The following TYW1 variants were observed in gnomAD, a reference collection of about 807,000 sequenced individuals.
The protein encoded by TYW1 is tRNA-yW synthesizing protein 1 homolog.
A neutral mutation model predicts 96.2 loss-of-function variants in TYW1; 46 were observed. The observed-to-expected ratio is 0.48, with a 90% confidence interval of 0.38 to 0.61. The LOEUF (loss-of-function observed/expected upper bound fraction) is 0.61, where lower values mean the gene tolerates loss of function less well. Ranked by LOEUF, TYW1 falls within the 20% of genes least tolerant of loss-of-function variation. The probability of loss-of-function intolerance (pLI) is 0.00; values close to 1 mark genes in which losing one functional copy is unlikely to be tolerated. For missense variants in TYW1, 684 were observed against 909.6 expected (o/e 0.75, Z 3.19); for synonymous variants, 274 against 323.0 (o/e 0.85, Z 1.63).
At chr7:67,191,315 A>G (rs1800209369) in intron 14 of TYW1, among the ~76,000 whole-genome samples, 1 of 152,190 alleles carries the variant, frequency 6.6e-6, no homozygotes, top group Non-Finnish European at 1.5e-5. Context: ...GGTGGGTCCA[A>G]AAGCCACAGG....
intron 11 of TYW1, among the ~76,000 whole-genome samples, chr7:67,093,991 C>G (rs1796805361): frequency 6.6e-6 from 1 of 152,192 alleles, no homozygotes; most frequent in Non-Finnish European, 1.5e-5. Flanking sequence ...TTTTTCAACT[C>G]TCACCCCGTC....
intron 9 of TYW1, among the ~76,000 whole-genome samples, chr7:67,064,707 G>C (rs1287536800): frequency 6.6e-6 from 1 of 152,172 alleles, no homozygotes; most frequent in African/African-American, 2.4e-5. Flanking sequence ...TCCTCCCCGG[G>C]TCTCTCCCAC....
chr7:67,217,776 C>CA (rs1396982518), intron 15 of TYW1, among the ~76,000 whole-genome samples: 3 of 130,034 alleles, frequency 2.3e-5, no homozygotes, highest in Non-Finnish European at 3.3e-5. Context: ...TCTATTTCTA[C>CA]AAAAAATGTT....
Position 67,051,836 on chromosome 7 carries a change from C to T in TYW1, c.1102+1770C>T, listed in dbSNP as rs903562748. Among the ~76,000 whole-genome samples, 30 of 149,360 alleles carry T rather than the reference C, an allele frequency of 2.0e-4. 1 individual carries two copies. The highest frequency in any genetic ancestry group is 2.1e-4 in the South Asian group (1 of 4,726). On this transcript the variant is annotated intron_variant, in intron 8 of 15. Coordinates refer to ENST00000359626, the MANE Select transcript of TYW1 (RefSeq NM_018264.4). ...GTTGGTGGTGAATTCTTTCAGCTTT[C>T]GTATATCTGAAAATGGCTTTACTTT...
At chr7:67,090,606 A>G (rs144842329) in intron 11 of TYW1, among the ~76,000 whole-genome samples, 42 of 152,348 alleles carry the variant, frequency 2.8e-4, no homozygotes, top group African/African-American at 9.6e-4. Context: ...AACCCAAAGA[A>G]TTAGAATAAC....
chr7:67,191,742 G>A (rs1378618971), intron 14 of TYW1, among the ~76,000 whole-genome samples: 5 of 151,046 alleles, frequency 3.3e-5, no homozygotes, highest in Non-Finnish European at 5.9e-5. Context: ...GTGAGAGCTC[G>A]GGGTCCCTGA....
chr7:67,101,853 C>G (rs1030103085), intron 12 of TYW1, among the ~76,000 whole-genome samples: 3 of 151,820 alleles, frequency 2.0e-5, no homozygotes, highest in African/African-American at 7.3e-5. Flanking sequence ...AGCTACCAGG[C>G]AATAATATGA....
intron 7 of TYW1, among the ~76,000 whole-genome samples, chr7:67,048,848 G>A (rs1439860243): frequency 6.6e-6 from 1 of 152,182 alleles, no homozygotes; most frequent in African/African-American, 2.4e-5. Flanking sequence ...CCAACATGGC[G>A]AAACCCTGTC....
At chr7:67,066,497 G>C (rs940494523) in intron 9 of TYW1, among the ~76,000 whole-genome samples, 2 of 152,114 alleles carry the variant, frequency 1.3e-5, no homozygotes, top group Non-Finnish European at 2.9e-5. Context: ...TTTTGGAAAT[G>C]GGAATAATGT....
At chr7:67,051,820 G>A (rs1338877042) in intron 8 of TYW1, among the ~76,000 whole-genome samples, 1 of 150,712 alleles carries the variant, frequency 6.6e-6, no homozygotes, top group Non-Finnish European at 1.5e-5. Context: ...TGTTGGTGGT[G>A]AATTCTTTCA....
At chr7:67,077,281 C>T (rs1796236145) in intron 10 of TYW1, among the ~76,000 whole-genome samples, 1 of 152,154 alleles carries the variant, frequency 6.6e-6, no homozygotes, top group Non-Finnish European at 1.5e-5. Flanking sequence ...GTTGCTGGAT[C>T]ATATGGTAGT....
At chr7:67,083,312 T>TTC in intron 10 of TYW1, 118 bp from the exon 11 acceptor site, 1 of 946,166 alleles carries the variant, frequency 1.1e-6, no homozygotes, top group African/African-American at 1.6e-5. Flanking sequence ...ATGGTTGAAC[T>TTC]CTTAGGAGGA....
At chr7:67,225,188 C>T (rs1329874133) in intron 15 of TYW1, among the ~76,000 whole-genome samples, 1 of 90,962 alleles carries the variant, frequency 1.1e-5, no homozygotes, top group Non-Finnish European at 2.0e-5. Context: ...AAGACTCCGT[C>T]TCAAAAAAAA....
chr7:67,066,002 TACAC>T (rs778159395), intron 9 of TYW1, among the ~76,000 whole-genome samples: 230 of 93,140 alleles, frequency 2.5e-3, no homozygotes, highest in South Asian at 4.1e-3. Context: ...AGAGTGAGAC[TACAC>T]ACACACACAC....
At chr7:67,193,250 A>C (rs1362468236) in intron 14 of TYW1, among the ~76,000 whole-genome samples, 2 of 152,170 alleles carry the variant, frequency 1.3e-5, no homozygotes, top group Non-Finnish European at 2.9e-5. Flanking sequence ...AATTCTCTAA[A>C]TCACCGGGCA....
chr7:67,074,500 C>T (rs1796142377), intron 10 of TYW1, among the ~76,000 whole-genome samples: 1 of 152,130 alleles, frequency 6.6e-6, no homozygotes. Context: ...ATCATTAACA[C>T]ATTCCTTAAT....
intron 13 of TYW1, among the ~76,000 whole-genome samples, chr7:67,150,204 G>A (rs1798753754): frequency 1.3e-5 from 2 of 152,140 alleles, no homozygotes; most frequent in African/African-American, 4.8e-5. Flanking sequence ...GGTGTGGTAG[G>A]ACTGAGGACA....
chr7:67,007,482 T>C (rs1162913373), intron 3 of TYW1, among the ~76,000 whole-genome samples: 1 of 152,152 alleles, frequency 6.6e-6, no homozygotes, highest in Non-Finnish European at 1.5e-5. Flanking sequence ...AAGCCACTCC[T>C]GAGGGACCCA....
chr7:67,198,927 G>A (rs571907279), intron 15 of TYW1, among the ~76,000 whole-genome samples: 1 of 152,158 alleles, frequency 6.6e-6, no homozygotes, highest in African/African-American at 2.4e-5. Context: ...GAGGTGCAGT[G>A]GCTTACACCT....
Sources: gnomAD v4.1 joint callset for allele counts (sites outside exome capture counted in the v4.1 genomes callset) on GRCh38, gnomAD v4.1.1 for gene constraint, MANE v1.5 for transcripts, NCBI Gene and HGNC (gene_info 2026-07-23, HGNC 2026-07-21) for gene names.